The following MRAP variants were observed in gnomAD, a reference collection of about 807,000 sequenced individuals.
MRAP encodes the protein melanocortin-2 receptor accessory protein.
In MRAP, 8 loss-of-function variants were observed where a neutral mutation model predicts 8.7. That is an observed-to-expected ratio of 0.92 (90% CI 0.54 to 1.66). MRAP has a LOEUF of 1.66. MRAP is among the 40% of genes most tolerant of loss of function. The probability of loss-of-function intolerance (pLI) is 0.00; values close to 1 mark genes in which losing one functional copy is unlikely to be tolerated. For synonymous variants in MRAP, 95 were observed against 95.5 expected (o/e 1.00, Z 0.03); for missense variants, 237 against 217.1 (o/e 1.09, Z -0.58).
Position 32,299,011 on chromosome 21 carries a change from T to C in MRAP, c.40T>C (p.Tyr14His). ...CAACGCCTCTGCCCCATACTACAGC[T>C]ATGAATACTACCTGGACTATCTGGA... ...GTNASAPYYS[Y>H]EYYLDYLDLI... The change falls in exon 1 of 3, where the codon TAT (tyrosine) becomes CAT (histidine). Residue 14 changes from tyrosine to histidine, a missense_variant. Transcript: ENST00000303645. The C allele has an allele frequency of 1.2e-6, 2 of 1,614,186 alleles. No homozygotes were observed. Among genetic ancestry groups the C allele is most frequent in the Non-Finnish European group, 1.7e-6 (2 of 1,180,018 alleles).
chr21:32,294,724 TAC>T (rs2032109825), upstream of MRAP, among the ~76,000 whole-genome samples: 2 of 152,178 alleles, frequency 1.3e-5, no homozygotes, highest in Admixed American at 6.5e-5. Flanking sequence ...TGTCCATTTC[TAC>T]AGTTTGTAAA....
At chr21:32,314,507 T>C, downstream of MRAP, 1 of 1,564,382 alleles carries the variant, frequency 6.4e-7, no homozygotes. Context: ...TAAACATCTC[T>C]CTTCGTTTTC....
Position 32,311,864 on chromosome 21 carries a change from C to T in MRAP, c.387C>T (p.Ser129=), listed in dbSNP as rs575054047. Reference sequence around the variant, plus strand: ...AGCCGCTACGACAGGAGAGCTCCTCCACCTTGCCCCTCGGGGGTTTCCAGA... The same window carrying T: ...AGCCGCTACGACAGGAGAGCTCCTCTACCTTGCCCCTCGGGGGTTTCCAGA... ...PDQPLRQESS[S]TLPLGGFQTH... The change falls in exon 3 of 3, where the codon TCC becomes TCT. Residue 129 remains serine (S), a synonymous_variant. Coordinates refer to ENST00000303645, the MANE Select transcript of MRAP (RefSeq NM_001379228.1). The T allele has an allele frequency of 1.9e-6, 3 of 1,614,156 alleles. No individual in the cohort carries two copies. The African/African-American group carries it at 4.0e-5, about 22-fold the overall frequency.
At chr21:32,306,922 G>C (rs1192289288) in intron 2 of MRAP, 183 bp downstream of exon 2, 1 of 665,942 alleles carries the variant, frequency 1.5e-6, no homozygotes, top group Non-Finnish European at 2.7e-6. Flanking sequence ...AAATATTCCA[G>C]CGAGCATTTC....
At chr21:32,301,393 C>T (rs1395854280) in intron 1 of MRAP, among the ~76,000 whole-genome samples, 1 of 152,138 alleles carries the variant, frequency 6.6e-6, no homozygotes, top group African/African-American at 2.4e-5. Context: ...AATGTGTGTG[C>T]CATCTCCTCT....
downstream of MRAP, chr21:32,314,414 A>C: frequency 1.4e-6 from 1 of 726,548 alleles, no homozygotes. Flanking sequence ...CGAACTCCTG[A>C]CCTCAGGTGA....
upstream of MRAP, chr21:32,298,801 T>A: frequency 1.6e-6 from 1 of 623,444 alleles, no homozygotes; most frequent in Non-Finnish European, 2.9e-6. Flanking sequence ...CCCCCTGACC[T>A]TTCTTCCAGC....
intron 1 of MRAP, 135 bp from the exon 2 acceptor site, chr21:32,306,505 G>T: frequency 1.4e-6 from 1 of 726,942 alleles, no homozygotes; most frequent in East Asian, 2.7e-5. Flanking sequence ...CTTCCCCATG[G>T]TAACAGCTGA....
At chr21:32,314,634 GA>G, downstream of MRAP, 3 of 1,614,176 alleles carry the variant, frequency 1.9e-6, no homozygotes, top group Non-Finnish European at 2.5e-6. Context: ...CAAGCCCCTA[GA>G]GAGGAAGGGG....
chr21:32,299,847 A>G (rs2032217793), intron 1 of MRAP, among the ~76,000 whole-genome samples: 1 of 152,170 alleles, frequency 6.6e-6, no homozygotes, highest in Admixed American at 6.5e-5. Flanking sequence ...AACCAGCATG[A>G]CTTCACTTCT....
intron 2 of MRAP, among the ~76,000 whole-genome samples, chr21:32,293,526 G>T (rs2032087820): frequency 6.6e-6 from 1 of 152,044 alleles, no homozygotes; most frequent in Non-Finnish European, 1.5e-5. Flanking sequence ...GGAAAATGAG[G>T]TCCCACCACC....
At chr21:32,309,641 A>G (rs1009120717) in intron 2 of MRAP, among the ~76,000 whole-genome samples, 32 of 150,002 alleles carry the variant, frequency 2.1e-4, no homozygotes, top group Non-Finnish European at 3.3e-4. Context: ...TAGTAGAGAC[A>G]GGGTTTTGCC....
intron 1 of MRAP, among the ~76,000 whole-genome samples, chr21:32,300,754 T>G (rs1406137061): frequency 7.5e-6 from 1 of 134,080 alleles, no homozygotes; most frequent in African/African-American, 2.7e-5. Context: ...GTGTCGTGCG[T>G]CCTATGTCAG....
At position 32,306,624 on chromosome 21, in the gene MRAP, T is replaced by C; in HGVS notation, c.107-16T>C. 1 of 1,611,994 alleles carries C rather than the reference T, an allele frequency of 6.2e-7. No homozygotes were observed. The highest frequency in any genetic ancestry group is 1.1e-5 in the South Asian group (1 of 91,036). ...TGACATAACCCAGCGCTGAGATGCATCTCCTCCTCCCGCAGATTCCATCGT... is the reference window on the plus strand; with the variant it reads ...TGACATAACCCAGCGCTGAGATGCACCTCCTCCTCCCGCAGATTCCATCGT... On this transcript the variant is annotated splice_polypyrimidine_tract_variant and intron_variant, in intron 1 of 2. Coordinates refer to ENST00000303645, the MANE Select transcript of MRAP (RefSeq NM_001379228.1).
intron 1 of MRAP, among the ~76,000 whole-genome samples, chr21:32,300,324 G>A (rs888825261): frequency 6.6e-6 from 1 of 151,400 alleles, no homozygotes; most frequent in Admixed American, 6.7e-5. Flanking sequence ...CATGTGTCAT[G>A]CATCCTATGT....
At chr21:32,313,700 CA>C (rs1278050294), downstream of MRAP, 1 of 152,188 alleles carries the variant, frequency 6.6e-6, no homozygotes, top group East Asian at 1.9e-4. Flanking sequence ...GCACGATGTA[CA>C]TTATACGGCA....
chr21:32,293,309 A>G (rs1351443180), intron 2 of MRAP, among the ~76,000 whole-genome samples: 1 of 150,952 alleles, frequency 6.6e-6, no homozygotes, highest in Non-Finnish European at 1.5e-5. Flanking sequence ...ATTACAGGCT[A>G]CTGGCCTCCA....
At chr21:32,300,630 T>C (rs932937209) in intron 1 of MRAP, among the ~76,000 whole-genome samples, 1 of 122,780 alleles carries the variant, frequency 8.1e-6, no homozygotes, top group Non-Finnish European at 1.7e-5. Flanking sequence ...GTATGTCAGA[T>C]GCGTCACACG....
At chr21:32,300,515 G>A (rs1288903887) in intron 1 of MRAP, among the ~76,000 whole-genome samples, 1 of 148,102 alleles carries the variant, frequency 6.8e-6, no homozygotes, top group Non-Finnish European at 1.5e-5. Flanking sequence ...CGCATCCTAT[G>A]TCACGTCATG....
Sources: gnomAD v4.1 joint callset for allele counts (sites outside exome capture counted in the v4.1 genomes callset) on GRCh38, gnomAD v4.1.1 for gene constraint, MANE v1.5 for transcripts, NCBI Gene and HGNC (gene_info 2026-07-23, HGNC 2026-07-21) for gene names.